Variants in RAB5B observed in about 807,000 individuals in gnomAD.
The protein encoded by RAB5B is ras-related protein Rab-5B.
RAB5B carries 11 observed loss-of-function variants against 28.6 expected under a neutral mutation model. The ratio of observed to expected loss-of-function variants is 0.38; its 90% CI spans 0.24 to 0.64. RAB5B has a LOEUF of 0.64. RAB5B is among the 30% of genes least tolerant of loss of function. The pLI, the probability that RAB5B is intolerant of heterozygous loss-of-function variation, is 0.53. For missense variants in RAB5B, 169 were observed against 265.6 expected, an observed-to-expected ratio of 0.64 and a Z score of 2.53; for synonymous variants, 93 against 97.9, an observed-to-expected ratio of 0.95 and a Z score of 0.29.
At chr12:55,979,560 C>T (rs992982314) in intron 1 of RAB5B, 1 of 152,132 alleles carries the variant, frequency 6.6e-6, no homozygotes, top group Admixed American at 6.5e-5. Flanking sequence ...CAAAAGTTAC[C>T]GCTTGTTTTC....
chr12:55,990,658 C>T, intron 3 of RAB5B, 24 bp from the exon 4 acceptor site: 2 of 1,612,440 alleles, frequency 1.2e-6, no homozygotes, highest in East Asian at 2.2e-5. Context: ...TTCCAGCCTA[C>T]TCATTCTCTT....
chr12:55,978,738 G>A (rs1000630792), intron 1 of RAB5B, among the ~76,000 whole-genome samples: 21 of 151,724 alleles, frequency 1.4e-4, no homozygotes, highest in African/African-American at 4.8e-4. Context: ...TTTATATACT[G>A]TGATAATGTG....
At chr12:55,990,407 C>CAA (rs377074890) in intron 3 of RAB5B, among the ~76,000 whole-genome samples, 1 of 127,952 alleles carries the variant, frequency 7.8e-6, no homozygotes, top group East Asian at 2.2e-4. Context: ...AACTCCGCCT[C>CAA]AAAAAAAAAA....
chr12:55,980,873 C>G (rs555091198), intron 1 of RAB5B: 2 of 1,610,846 alleles, frequency 1.2e-6, no homozygotes, highest in African/African-American at 2.7e-5. Context: ...GATCTTCTTC[C>G]CCTCTATATC....
rs985815014 is a variant in RAB5B, at chr12:55,982,125, A to G, written c.-92-4744A>G. ...CAGAGCTGCACTTCTAAGGGAAGTT[A>G]AATCTGATTTCTTCTCTTCTGAGCT... On this transcript the variant is annotated intron_variant, in intron 1 of 5. Transcript: ENST00000360299. 2.6e-5 allele frequency among the ~76,000 whole-genome samples: 4 copies of G among 151,990 alleles called. 1 individual carries two copies. The highest frequency in any genetic ancestry group is 9.7e-5 in the African/African-American group (4 of 41,364).
At chr12:55,987,263 C>T (rs538176415) in intron 2 of RAB5B, 140 bp downstream of exon 2, 36 of 785,574 alleles carry the variant, frequency 4.6e-5, no homozygotes, top group East Asian at 1.6e-4. Context: ...CAGGTTCGAG[C>T]GATTCTCATG....
In RAB5B at chr12:55,994,924, C is replaced by T. The variant is rs1890243059; in HGVS notation, c.*2712C>T. ...CCCTTCTATTGCTATTTAATCACCC[C>T]TCTTCTAAGGCCACTAGATTGTTCA... On this transcript the variant is annotated 3_prime_UTR_variant, in exon 6 of 6. Coordinates refer to ENST00000360299, the MANE Select transcript of RAB5B (RefSeq NM_002868.4). 6.6e-6 allele frequency: 1 copy of T among 151,968 alleles called. No individual in the cohort carries two copies. Among genetic ancestry groups the T allele is most frequent in the Non-Finnish European group, 1.5e-5 (1 of 68,006 alleles). 9.4% of individuals were successfully genotyped at this position (151,968 alleles called of 1,614,324 possible).
intron 5 of RAB5B, 113 bp downstream of exon 5, chr12:55,991,566 TGGAA>T: frequency 9.0e-6 from 7 of 774,922 alleles, no homozygotes; most frequent in Non-Finnish European, 1.5e-5. Flanking sequence ...ACTTTAGGTA[TGGAA>T]ATACCTTAAC....
At chr12:55,990,344 G>A (rs1890075850) in intron 3 of RAB5B, 1 of 471,652 alleles carries the variant, frequency 2.1e-6, no homozygotes, top group African/African-American at 2.0e-5. Context: ...GGAGGCGGAG[G>A]TTGCAGTGAG....
In RAB5B at chr12:55,985,855, T is replaced by C. The variant is rs190432634; in HGVS notation, c.-92-1014T>C. The C allele has an allele frequency of 6.7e-5, 23 of 344,936 alleles. No homozygotes were observed. The East Asian group carries it at 2.1e-3, about 31-fold the overall frequency. 21.4% of individuals were successfully genotyped at this position (344,936 alleles called of 1,614,324 possible). The stretch of plus-strand genomic sequence containing the variant: ...GTAGGTCAAGCTTACTGATTCTTGA[T>C]AGACTTTCAGATTTGGAAAGATGGC... On this transcript the variant is annotated intron_variant, in intron 1 of 5. Transcript: ENST00000360299.
At chr12:55,981,120 G>T in intron 1 of RAB5B, 1 of 1,209,552 alleles carries the variant, frequency 8.3e-7, no homozygotes, top group Non-Finnish European at 1.2e-6. Flanking sequence ...CTGGAGTGCA[G>T]TCGTGTGATC....
At chr12:55,980,567 A>T in intron 1 of RAB5B, 1 of 1,596,922 alleles carries the variant, frequency 6.3e-7, no homozygotes, top group Non-Finnish European at 8.6e-7. Flanking sequence ...ATCCACATTC[A>T]TACTGGATTT....
intron 2 of RAB5B, among the ~76,000 whole-genome samples, chr12:55,989,357 C>T (rs186579701): frequency 3.3e-5 from 5 of 152,106 alleles, no homozygotes; most frequent in African/African-American, 1.2e-4. Flanking sequence ...TCACTGCAAC[C>T]TCCACCTCCC....
rs1162981251 is a variant in RAB5B, at chr12:55,992,428, C to T, written c.*216C>T. ...TGGCCTCCTACCCCCTACTCTGGGG[C>T]TTGGGGGTCAACTCCCCCCAGGACT... On this transcript the variant is annotated 3_prime_UTR_variant, in exon 6 of 6. Coordinates refer to ENST00000360299, the MANE Select transcript of RAB5B (RefSeq NM_002868.4). 2 of 681,686 alleles carry T rather than the reference C, an allele frequency of 2.9e-6. No homozygotes were observed. Among genetic ancestry groups the T allele is most frequent in the Non-Finnish European group, 2.7e-6 (1 of 373,472 alleles). The allele number at this position is 681,686 out of a possible 1,614,324, so 42.2% of individuals were successfully genotyped here.
chr12:55,987,255 G>T, intron 2 of RAB5B, 132 bp downstream of exon 2: 1 of 864,640 alleles, frequency 1.2e-6, no homozygotes, highest in East Asian at 2.7e-5. Context: ...CTGTCTCCCA[G>T]GTTCGAGCGA....
In RAB5B at chr12:55,992,423, T is replaced by C. The variant is rs1476322111; in HGVS notation, c.*211T>C. The C allele has an allele frequency of 2.8e-5, 19 of 681,170 alleles. No individual in the cohort carries two copies. Among genetic ancestry groups the C allele is most frequent in the Non-Finnish European group, 4.8e-5 (18 of 373,938 alleles). The allele number at this position is 681,170 out of a possible 1,614,324, so 42.2% of individuals were successfully genotyped here. ...GCCACTGGCCTCCTACCCCCTACTC[T>C]GGGGCTTGGGGGTCAACTCCCCCCA... On this transcript the variant is annotated 3_prime_UTR_variant, in exon 6 of 6. Transcript: ENST00000360299.
At chr12:55,981,033 T>C (rs1219017445) in intron 1 of RAB5B, 1 of 1,613,442 alleles carries the variant, frequency 6.2e-7, no homozygotes, top group East Asian at 2.2e-5. Context: ...GCTTTGGCCA[T>C]GGCGGACACC....
At chr12:55,976,259 C>A (rs1388257477) in intron 1 of RAB5B, among the ~76,000 whole-genome samples, 1 of 152,124 alleles carries the variant, frequency 6.6e-6, no homozygotes, top group East Asian at 1.9e-4. Flanking sequence ...ATGTTCTCAT[C>A]AAACTCTAGT....
chr12:55,980,721 T>C (rs902981680), intron 1 of RAB5B: 1 of 1,580,202 alleles, frequency 6.3e-7, no homozygotes, highest in Non-Finnish European at 8.7e-7. Context: ...TCCATGATGC[T>C]TTTCATCCAG....
Sources: gnomAD v4.1 joint callset for allele counts (sites outside exome capture counted in the v4.1 genomes callset) on GRCh38, gnomAD v4.1.1 for gene constraint, MANE v1.5 for transcripts, NCBI Gene and HGNC (gene_info 2026-07-23, HGNC 2026-07-21) for gene names.